KCNE1: variants seen among roughly 807,000 people sequenced by gnomAD.
KCNE1 encodes potassium voltage-gated channel subfamily E regulatory subunit 1, also known as potassium voltage-gated channel subfamily E member 1.
In KCNE1, 1 loss-of-function variant was observed where a neutral mutation model predicts 2.9. The observed-to-expected ratio is 0.34, with a 90% confidence interval of 0.12 to 1.62. KCNE1 has a LOEUF of 1.62. Among genes scored for constraint, KCNE1 ranks in the 40% most tolerant of loss-of-function variants. KCNE1 has a pLI of 0.36. For missense variants in KCNE1, 45 were observed against 150.5 expected, an observed-to-expected ratio of 0.30 and a Z score of 3.67; for synonymous variants, 23 against 65.4, an observed-to-expected ratio of 0.35 and a Z score of 3.13.
chr21:34,505,290 C>T (rs1452556543), intron 2 of KCNE1, among the ~76,000 whole-genome samples: 1 of 152,166 alleles, frequency 6.6e-6, no homozygotes, highest in African/African-American at 2.4e-5. Context: ...CCCGACACCA[C>T]ACCCGACTAA....
At chr21:34,509,143 T>C (rs1483152677) in intron 2 of KCNE1, among the ~76,000 whole-genome samples, 3 of 152,228 alleles carry the variant, frequency 2.0e-5, no homozygotes, top group Admixed American at 2.0e-4. Flanking sequence ...CTCACCAGGT[T>C]GAAATCAAGG....
chr21:34,506,657 T>C (rs905715011), intron 2 of KCNE1, among the ~76,000 whole-genome samples: 44 of 152,222 alleles, frequency 2.9e-4, no homozygotes, highest in African/African-American at 1.0e-3. Context: ...TAAATATTTA[T>C]TGAGTGACTA....
At chr21:34,496,128 G>A (rs1982793165) in intron 2 of KCNE1, among the ~76,000 whole-genome samples, 1 of 151,872 alleles carries the variant, frequency 6.6e-6, no homozygotes, top group African/African-American at 2.4e-5. Flanking sequence ...AGGCTGGAGT[G>A]CAGTGGCTCA....
At chr21:34,507,828 G>A (rs1285353486) in intron 2 of KCNE1, among the ~76,000 whole-genome samples, 1 of 152,192 alleles carries the variant, frequency 6.6e-6, no homozygotes, top group Non-Finnish European at 1.5e-5. Flanking sequence ...GCTTTCTAGA[G>A]CAAGTAGCAT....
intron 2 of KCNE1, among the ~76,000 whole-genome samples, chr21:34,502,388 C>A (rs531406777): frequency 6.6e-6 from 1 of 152,298 alleles, no homozygotes; most frequent in East Asian, 1.9e-4. Flanking sequence ...AAGGAACTGG[C>A]CTGAAAATGA....
chr21:34,499,366 C>CCAT (rs1423797047), intron 2 of KCNE1, among the ~76,000 whole-genome samples: 1 of 152,218 alleles, frequency 6.6e-6, no homozygotes, highest in African/African-American at 2.4e-5. Flanking sequence ...CCCTGTCTGC[C>CCAT]CATCCTGTTG....
chr21:34,503,201 T>G (rs1983271710), intron 2 of KCNE1, among the ~76,000 whole-genome samples: 1 of 152,122 alleles, frequency 6.6e-6, no homozygotes, highest in South Asian at 2.1e-4. Flanking sequence ...TACAACCCCC[T>G]CCTTGGGTTC....
intron 2 of KCNE1, among the ~76,000 whole-genome samples, chr21:34,497,887 CT>C (rs1437238164): frequency 6.7e-6 from 1 of 150,348 alleles, no homozygotes. Context: ...CTTTTTTTTT[CT>C]TTTTTTTGGT....
intron 2 of KCNE1, chr21:34,509,903 T>C (rs956067900): frequency 3.9e-5 from 6 of 152,190 alleles, no homozygotes; most frequent in African/African-American, 1.4e-4. Context: ...TCTGATCCTC[T>C]TTCTCCTCCC....
rs1337485456 is a variant in KCNE1, at chr21:34,511,182, T to A, written c.-243A>T. The A allele has an allele frequency of 1.0e-6, 1 of 985,580 alleles. No individual in the cohort carries two copies. Among genetic ancestry groups the A allele is most frequent in the African/African-American group, 1.7e-5 (1 of 57,238 alleles). 61.1% of individuals were successfully genotyped at this position (985,580 alleles called of 1,614,324 possible). A position where few individuals can be genotyped will look rare whatever the true frequency, so the allele number is the denominator to read the frequency against. Reference sequence around the variant, plus strand: ...CAGGCTCCTTCTCTTCAGGTGGTCTTAGGAACTTCTCAGAACTTTTTGAGT... The same window carrying A: ...CAGGCTCCTTCTCTTCAGGTGGTCTAAGGAACTTCTCAGAACTTTTTGAGT... On this transcript the variant is annotated 5_prime_UTR_variant, in exon 2 of 4. Coordinates refer to ENST00000399286, the MANE Select transcript of KCNE1 (RefSeq NM_000219.6).
At chr21:34,503,529 G>C (rs182775895) in intron 2 of KCNE1, among the ~76,000 whole-genome samples, 1 of 152,274 alleles carries the variant, frequency 6.6e-6, no homozygotes, top group Non-Finnish European at 1.5e-5. Flanking sequence ...TCCCCACCCT[G>C]GAGTTTGGAA....
rs1983830505 is a variant in KCNE1, at chr21:34,511,295, G to A, written c.-356C>T. The A allele has an allele frequency of 1.0e-6, 1 of 985,520 alleles. No individual in the cohort carries two copies. The allele number at this position is 985,520 out of a possible 1,614,324, so 61.0% of individuals were successfully genotyped here. On this transcript the variant is annotated 5_prime_UTR_variant, in exon 2 of 4. Coordinates refer to ENST00000399286, the MANE Select transcript of KCNE1 (RefSeq NM_000219.6). ...CAACGCCCTCCAGGACAGGCCGAAG[G>A]GCTTGTCTGTTTGGTGGTTGCTAAG... is the stretch of plus-strand genomic sequence containing the variant.
chr21:34,507,145 CG>C (rs1043839824), intron 2 of KCNE1, among the ~76,000 whole-genome samples: 2 of 151,724 alleles, frequency 1.3e-5, no homozygotes, highest in African/African-American at 4.9e-5. Context: ...CTGACAGTAG[CG>C]TAGAGAAGGA....
At chr21:34,507,253 A>G (rs1365822856) in intron 2 of KCNE1, among the ~76,000 whole-genome samples, 3 of 152,168 alleles carry the variant, frequency 2.0e-5, no homozygotes, top group Admixed American at 6.5e-5. Context: ...TCCTAAAGAT[A>G]GAAGAGAGAA....
At chr21:34,505,975 G>C (rs1983463312) in intron 2 of KCNE1, among the ~76,000 whole-genome samples, 1 of 152,206 alleles carries the variant, frequency 6.6e-6, no homozygotes, top group African/African-American at 2.4e-5. Context: ...TTTAACTACA[G>C]TATTTTTAAA....
chr21:34,504,565 T>C (rs1381024870), intron 2 of KCNE1, among the ~76,000 whole-genome samples: 1 of 152,150 alleles, frequency 6.6e-6, no homozygotes, highest in Non-Finnish European at 1.5e-5. Context: ...CCTACATATA[T>C]ACCCTGAGAG....
intron 2 of KCNE1, among the ~76,000 whole-genome samples, chr21:34,508,977 A>T (rs1288033196): frequency 6.6e-6 from 1 of 152,246 alleles, no homozygotes; most frequent in African/African-American, 2.4e-5. Context: ...GTATAAAACA[A>T]CTACTGTGTA....
intron 2 of KCNE1, among the ~76,000 whole-genome samples, chr21:34,499,288 T>C (rs1028699809): frequency 2.0e-5 from 3 of 152,226 alleles, no homozygotes; most frequent in African/African-American, 7.2e-5. Context: ...TGCTCTGGAC[T>C]CAGACCTTGC....
chr21:34,502,407 T>C (rs1021161579), intron 2 of KCNE1, among the ~76,000 whole-genome samples: 2 of 152,186 alleles, frequency 1.3e-5, no homozygotes, highest in Non-Finnish European at 2.9e-5. Flanking sequence ...GACTTGCCTA[T>C]TTGCCAAATT....
Sources: allele counts gnomAD v4.1 joint callset (sites outside exome capture counted in the v4.1 genomes callset), GRCh38; gene constraint gnomAD v4.1.1; transcripts MANE v1.5; gene names NCBI Gene and HGNC (gene_info 2026-07-23, HGNC 2026-07-21).